The following SRGAP2 variants were observed in gnomAD, a reference collection of about 807,000 sequenced individuals.
The protein encoded by SRGAP2 is SLIT-ROBO Rho GTPase-activating protein 2.
Under a neutral mutation model 57.2 loss-of-function variants are expected in SRGAP2, and 15 were observed. The observed-to-expected ratio is 0.26, with a 90% confidence interval of 0.18 to 0.40. SRGAP2 has a LOEUF of 0.40. Among genes scored for constraint, SRGAP2 ranks in the 10% least tolerant of loss-of-function variants. SRGAP2 has a pLI of 1.00. For missense variants in SRGAP2, 520 were observed against 669.6 expected, an observed-to-expected ratio of 0.78 and a Z score of 2.47; for synonymous variants, 249 against 248.0, an observed-to-expected ratio of 1.00 and a Z score of -0.04.
Position 206,421,290 on chromosome 1 carries a change from G to A in SRGAP2, c.1494+16G>A, listed in dbSNP as rs782754534. 1.3e-6 allele frequency: 1 copy of A among 776,976 alleles called. No homozygotes were observed. The highest frequency in any genetic ancestry group is 2.4e-6 in the Non-Finnish European group (1 of 416,416). 48.1% of individuals were successfully genotyped at this position (776,976 alleles called of 1,614,324 possible). A position where few individuals can be genotyped will look rare whatever the true frequency, so the allele number is the denominator to read the frequency against. On this transcript the variant is annotated intron_variant, in intron 13 of 22. Coordinates refer to ENST00000573034, the MANE Select transcript of SRGAP2 (RefSeq NM_015326.5). Reference sequence around the variant, plus strand: ...GAGGAAACAGGTAAGGGCCCAAGCGGGGCCAGGCTGGTCTGGCCTGAAAAT... The same window carrying A: ...GAGGAAACAGGTAAGGGCCCAAGCGAGGCCAGGCTGGTCTGGCCTGAAAAT...
intron 21 of SRGAP2, among the ~76,000 whole-genome samples, chr1:206,456,807 G>A (rs1023472377): frequency 2.0e-5 from 3 of 152,004 alleles, no homozygotes; most frequent in African/African-American, 4.8e-5. Flanking sequence ...TGCCCCCCAC[G>A]CCACTCCTCC....
At chr1:206,208,283 A>G (rs1435379298) in intron 2 of SRGAP2, 1 of 149,940 alleles carries the variant, frequency 6.7e-6, no homozygotes, top group Non-Finnish European at 1.5e-5. Flanking sequence ...TAATAATAGT[A>G]ATAATGATAA....
chr1:206,450,803 A>G (rs1663203757), intron 19 of SRGAP2, among the ~76,000 whole-genome samples: 1 of 152,156 alleles, frequency 6.6e-6, no homozygotes, highest in Non-Finnish European at 1.5e-5. Context: ...GAACAAAGTG[A>G]AGGAAAGTAC....
At chr1:206,336,061 A>G (rs1674752778) in intron 3 of SRGAP2, among the ~76,000 whole-genome samples, 1 of 149,604 alleles carries the variant, frequency 6.7e-6, no homozygotes, top group Non-Finnish European at 1.5e-5. Context: ...GCAGATTCCT[A>G]AGGTCCGGCT....
At chr1:206,217,965 CT>C (rs1666755498) in intron 2 of SRGAP2, among the ~76,000 whole-genome samples, 1 of 151,034 alleles carries the variant, frequency 6.6e-6, no homozygotes, top group South Asian at 2.1e-4. Flanking sequence ...ACATTAGAAA[CT>C]TTCTAAGGTC....
chr1:206,430,021 C>G (rs1280974649), intron 13 of SRGAP2, 141 bp from the exon 14 acceptor site: 1 of 656,718 alleles, frequency 1.5e-6, no homozygotes, highest in Admixed American at 2.2e-5. Context: ...TGCTCTGGAA[C>G]TTGGAGGACA....
At chr1:206,411,672 G>C (rs959347648) in intron 10 of SRGAP2, among the ~76,000 whole-genome samples, 4 of 152,132 alleles carry the variant, frequency 2.6e-5, no homozygotes, top group Non-Finnish European at 5.9e-5. Context: ...TAGGGTCTTG[G>C]GTTCACGCAG....
At chr1:206,436,733 T>G (rs372256815) in intron 14 of SRGAP2, among the ~76,000 whole-genome samples, 1 of 152,208 alleles carries the variant, frequency 6.6e-6, no homozygotes, top group Non-Finnish European at 1.5e-5. Flanking sequence ...TAGTCGCCCT[T>G]GGAGTCAAAG....
chr1:206,305,819 G>A (rs1372524852), intron 3 of SRGAP2, among the ~76,000 whole-genome samples: 1 of 151,894 alleles, frequency 6.6e-6, no homozygotes, highest in Non-Finnish European at 1.5e-5. Context: ...TGGGGTTAAG[G>A]TTGAGGAGAA....
chr1:206,285,748 A>G (rs1398791846), intron 2 of SRGAP2, among the ~76,000 whole-genome samples: 2 of 151,624 alleles, frequency 1.3e-5, no homozygotes, highest in Non-Finnish European at 2.9e-5. Flanking sequence ...GCTCAGTGCA[A>G]TCTTTGCCTT....
In SRGAP2 at chr1:206,260,385, A is replaced by T. The variant is rs570228014; in HGVS notation, c.68-42896A>T. 3.3e-5 allele frequency among the ~76,000 whole-genome samples: 5 copies of T among 152,008 alleles called. No homozygotes were observed. In the East Asian group the frequency reaches 5.8e-4, roughly 18 times the overall value. ...AGGTAAATTTAAAATATGAAAAAAAATTTTTTTGAAAGGCATATATGTTGA... is the reference window on the plus strand; with the variant it reads ...AGGTAAATTTAAAATATGAAAAAAATTTTTTTTGAAAGGCATATATGTTGA... On this transcript the variant is annotated intron_variant, in intron 2 of 22. Coordinates refer to ENST00000573034, the MANE Select transcript of SRGAP2 (RefSeq NM_015326.5).
chr1:206,459,011 C>A, intron 22 of SRGAP2, 64 bp downstream of exon 22: 1 of 655,678 alleles, frequency 1.5e-6, no homozygotes, highest in East Asian at 2.7e-5. Flanking sequence ...TAGTGCCACC[C>A]ACCTAATTAT....
At position 206,342,238 on chromosome 1, in the gene SRGAP2, C is replaced by T. The variant is rs561153243; in HGVS notation, c.261-608C>T. Among the ~76,000 whole-genome samples, 74 of 152,208 alleles carry T rather than the reference C, an allele frequency of 4.9e-4. 1 individual carries two copies. The South Asian group carries it at 0.015, about 31-fold the overall frequency. On this transcript the variant is annotated intron_variant, in intron 3 of 22. Transcript: ENST00000573034. ...CCTTTATTAAATCCTACAATGGATA[C>T]ATTTGTGGGGATTTTGTAGTGCTGT...
chr1:206,319,355 G>A (rs1358549094), intron 3 of SRGAP2, among the ~76,000 whole-genome samples: 14 of 151,492 alleles, frequency 9.2e-5, no homozygotes, highest in Non-Finnish European at 2.1e-4. Flanking sequence ...AGCTTTCAGT[G>A]AGCCGAGATC....
At chr1:206,384,144 T>TA (rs2103064272) in intron 5 of SRGAP2, 68 bp downstream of exon 5, 1 of 679,190 alleles carries the variant, frequency 1.5e-6, no homozygotes, top group East Asian at 2.7e-5. Flanking sequence ...CTTGCAGCCA[T>TA]AGTACATCAG....
rs367852897 is a variant in SRGAP2 at position 206,340,524 on chromosome 1, C to G, written c.261-2322C>G. ...GGGAAAGAACCAGTATAGACCCCCC[C>G]CAATCCATCTTCTCCCTTAAGAAAT... On this transcript the variant is annotated intron_variant, in intron 3 of 22. Transcript: ENST00000573034. Among the ~76,000 whole-genome samples, 10 of 152,134 alleles carry G rather than the reference C, an allele frequency of 6.6e-5. No homozygotes were observed. In the East Asian group the frequency reaches 1.2e-3, roughly 18 times the overall value.
At chr1:206,284,766 C>T (rs1258227970) in intron 2 of SRGAP2, among the ~76,000 whole-genome samples, 2 of 151,530 alleles carry the variant, frequency 1.3e-5, no homozygotes, top group Non-Finnish European at 3.0e-5. Flanking sequence ...TGTTTTTAAT[C>T]CACAGTCCAC....
At chr1:206,362,236 C>CTCTCTCTG (rs1676970454) in intron 4 of SRGAP2, among the ~76,000 whole-genome samples, 1 of 141,108 alleles carries the variant, frequency 7.1e-6, no homozygotes, top group Non-Finnish European at 1.5e-5. Context: ...GGAGGAAAGC[C>CTCTCTCTG]AGGATCCTGC....
At chr1:206,437,132 G>A (rs1384031220) in intron 15 of SRGAP2, 90 bp downstream of exon 15, 2 of 760,332 alleles carry the variant, frequency 2.6e-6, no homozygotes, top group South Asian at 1.4e-5. Context: ...GGTCCCCAGA[G>A]GTCAGGAAGC....
Sources: gnomAD v4.1 joint callset for allele counts (sites outside exome capture counted in the v4.1 genomes callset) on GRCh38, gnomAD v4.1.1 for gene constraint, MANE v1.5 for transcripts, NCBI Gene and HGNC (gene_info 2026-07-23, HGNC 2026-07-21) for gene names.